The following PPARGC1A variants were observed in gnomAD, a reference collection of about 807,000 sequenced individuals.
PPARGC1A encodes peroxisome proliferator-activated receptor gamma coactivator 1-alpha.
Under a neutral mutation model 88.7 loss-of-function variants are expected in PPARGC1A, and 25 were observed. The observed-to-expected ratio is 0.28, with a 90% CI of 0.21 to 0.39. The LOEUF is 0.39. PPARGC1A is among the 10% of genes least tolerant of loss of function. The probability of loss-of-function intolerance (pLI) is 1.00; values close to 1 mark genes in which losing one functional copy is unlikely to be tolerated. For missense variants in PPARGC1A, 880 were observed against 968.7 expected, an observed-to-expected ratio of 0.91 and a Z score of 1.22; for synonymous variants, 363 against 355.6, an observed-to-expected ratio of 1.02 and a Z score of -0.24.
chr4:23,944,102 T>C, the PPARGC1A span, among the ~76,000 whole-genome samples: 1 of 152,178 alleles, frequency 6.6e-6, no homozygotes, highest in Non-Finnish European at 1.5e-5. Context: ...TAGAGTTTAG[T>C]TAATAGTCAT....
At chr4:24,143,543 G>A in the PPARGC1A span, among the ~76,000 whole-genome samples, 129 of 152,214 alleles carry the variant, frequency 8.5e-4, no homozygotes, top group Non-Finnish European at 4.4e-4. Context: ...AGTATACGAC[G>A]ATATGAATAT....
chr4:24,424,258 CTTTTTTTTTTTTTTTTTTTTT>C, the PPARGC1A span, among the ~76,000 whole-genome samples: 5 of 44,318 alleles, frequency 1.1e-4, no homozygotes, highest in African/African-American at 4.0e-4. Context: ...TATACACACA[CTTTTTTTTTTTTTTTTTTTTT>C]TTTTTTTTTT....
the PPARGC1A span, among the ~76,000 whole-genome samples, chr4:23,915,786 G>C: frequency 6.6e-6 from 1 of 152,188 alleles, no homozygotes; most frequent in Non-Finnish European, 1.5e-5. Context: ...TTGAGGGGGA[G>C]AGACAATAGC....
At chr4:23,899,947 A>C (rs1392127169), upstream of PPARGC1A, among the ~76,000 whole-genome samples, 1 of 152,172 alleles carries the variant, frequency 6.6e-6, no homozygotes, top group Admixed American at 6.5e-5. Flanking sequence ...CAAGTTTAAA[A>C]TGCATAGAAA....
the PPARGC1A span, among the ~76,000 whole-genome samples, chr4:24,173,113 G>A: frequency 1.3e-5 from 2 of 152,104 alleles, no homozygotes; most frequent in African/African-American, 2.4e-5. Flanking sequence ...CATGTTACTG[G>A]TGACAGGGCA....
chr4:24,271,167 A>G, the PPARGC1A span, among the ~76,000 whole-genome samples: 1 of 152,180 alleles, frequency 6.6e-6, no homozygotes, highest in African/African-American at 2.4e-5. Flanking sequence ...TTTTAATTAC[A>G]GTTTGGTAGC....
At chr4:24,333,180 G>A in the PPARGC1A span, among the ~76,000 whole-genome samples, 1 of 152,086 alleles carries the variant, frequency 6.6e-6, no homozygotes, top group Non-Finnish European at 1.5e-5. Flanking sequence ...GGAGGTGGTG[G>A]TTACACTGAG....
the PPARGC1A span, among the ~76,000 whole-genome samples, chr4:24,173,193 A>G: frequency 0.018 from 2,670 of 152,188 alleles, 93 homozygotes; most frequent in East Asian, 0.1. Context: ...AAATTCTGAC[A>G]TTGTTGAAGG....
At chr4:23,854,197 C>T (rs191972517) in intron 2 of PPARGC1A, among the ~76,000 whole-genome samples, 108 of 152,206 alleles carry the variant, frequency 7.1e-4, no homozygotes, top group African/African-American at 2.5e-3. Context: ...TAAGTCAGTC[C>T]GATACTGAGT....
chr4:24,066,718 CATT>C, the PPARGC1A span, among the ~76,000 whole-genome samples: 1 of 152,142 alleles, frequency 6.6e-6, no homozygotes, highest in East Asian at 1.9e-4. Flanking sequence ...AGTCTTTACT[CATT>C]AGTACAGTCC....
the PPARGC1A span, among the ~76,000 whole-genome samples, chr4:24,224,978 G>A: frequency 2.0e-5 from 3 of 152,132 alleles, no homozygotes; most frequent in African/African-American, 4.8e-5. Context: ...AGCATGTCAC[G>A]CATGTTCAAA....
At chr4:23,950,214 A>G in the PPARGC1A span, among the ~76,000 whole-genome samples, 1 of 152,124 alleles carries the variant, frequency 6.6e-6, no homozygotes, top group African/African-American at 2.4e-5. Context: ...TTCCCTGAGA[A>G]TCTTATTATC....
the PPARGC1A span, among the ~76,000 whole-genome samples, chr4:23,957,141 C>T: frequency 6.6e-6 from 1 of 152,070 alleles, no homozygotes; most frequent in Non-Finnish European, 1.5e-5. Context: ...CATTTCCTGC[C>T]ACCCAGCCTA....
At chr4:24,208,029 A>G in the PPARGC1A span, among the ~76,000 whole-genome samples, 4 of 152,324 alleles carry the variant, frequency 2.6e-5, no homozygotes, top group East Asian at 7.7e-4. Flanking sequence ...CTGTAATCCC[A>G]ACACTTTGAG....
chr4:23,901,369 CA>C (rs766239228), upstream of PPARGC1A, among the ~76,000 whole-genome samples: 10,004 of 71,694 alleles, frequency 0.14, 479 homozygotes, highest in African/African-American at 0.27. Flanking sequence ...GACTCCGTCT[CA>C]AAAAAAAAAA....
At chr4:23,933,480 C>G in the PPARGC1A span, among the ~76,000 whole-genome samples, 1 of 152,148 alleles carries the variant, frequency 6.6e-6, no homozygotes, top group Non-Finnish European at 1.5e-5. Context: ...TCACCTCATA[C>G]CAGTAGGAGG....
At chr4:24,128,172 C>T in the PPARGC1A span, among the ~76,000 whole-genome samples, 484 of 152,224 alleles carry the variant, frequency 3.2e-3, 1 homozygote, top group Non-Finnish European at 5.6e-3. Flanking sequence ...CACTTTGTAG[C>T]GTGGTACCAA....
At chr4:24,185,449 CT>C in the PPARGC1A span, among the ~76,000 whole-genome samples, 2 of 152,112 alleles carry the variant, frequency 1.3e-5, no homozygotes, top group Non-Finnish European at 2.9e-5. Flanking sequence ...CCTAGAAATG[CT>C]CATCTATAAA....
At chr4:24,379,976 C>G in the PPARGC1A span, among the ~76,000 whole-genome samples, 1 of 152,052 alleles carries the variant, frequency 6.6e-6, no homozygotes, top group Non-Finnish European at 1.5e-5. Context: ...CAGGGTTTCA[C>G]CATGTTGGCC....
Sources: allele counts gnomAD v4.1 joint callset (sites outside exome capture counted in the v4.1 genomes callset), GRCh38; gene constraint gnomAD v4.1.1; transcripts MANE v1.5; gene names NCBI Gene and HGNC (gene_info 2026-07-23, HGNC 2026-07-21).